The following PCNT variants were observed in gnomAD, a reference collection of about 807,000 sequenced individuals.
PCNT encodes the protein kendrin.
A neutral mutation model predicts 380.4 loss-of-function variants in PCNT; 319 were observed. That is an observed-to-expected ratio of 0.84 (90% CI 0.77 to 0.92). PCNT has a LOEUF of 0.92. PCNT is among the 40% of genes least tolerant of loss of function. The probability of loss-of-function intolerance (pLI) is 0.00; values close to 1 mark genes in which losing one functional copy is unlikely to be tolerated. For synonymous variants in PCNT, 1,845 were observed against 1,735.2 expected (o/e 1.06, Z -1.57); for missense variants, 4,400 against 4,255.3 (o/e 1.03, Z -0.95).
At chr21:46,417,785 CCCTGCTCTTCAGGA>C (rs899414258) in intron 30 of PCNT, among the ~76,000 whole-genome samples, 5 of 152,112 alleles carry the variant, frequency 3.3e-5, no homozygotes, top group African/African-American at 1.2e-4. Context: ...CGCCCATGGT[CCCTGCTCTTCAGGA>C]GGCTGAGGCA....
Position 46,388,094 on chromosome 21 carries a change from C to T in PCNT, c.3465-648C>T, listed in dbSNP as rs961834221. On this transcript the variant is annotated intron_variant, in intron 17 of 46. Coordinates refer to ENST00000359568, the MANE Select transcript of PCNT (RefSeq NM_006031.6). The surrounding 1 kb of genome is among the most constrained non-coding windows in gnomAD (Gnocchi z 4.2). ...GCGTGGTGACAGACGCCTGTAGTCCCAGCTACTCGGGAGGCTGAGGCAGGA... is the reference window on the plus strand; with the variant it reads ...GCGTGGTGACAGACGCCTGTAGTCCTAGCTACTCGGGAGGCTGAGGCAGGA... Among the ~76,000 whole-genome samples the T allele has an allele frequency of 2.6e-5, 4 of 152,042 alleles. No homozygotes were observed. The highest frequency in any genetic ancestry group is 5.9e-5 in the Non-Finnish European group (4 of 68,002).
chr21:46,404,366 C>T (rs1047645906), intron 27 of PCNT, among the ~76,000 whole-genome samples: 1 of 144,754 alleles, frequency 6.9e-6, no homozygotes, highest in African/African-American at 2.5e-5. Flanking sequence ...GTTCTGTCGG[C>T]TCTGTTTTGA....
chr21:46,372,946 C>T (rs2085202082), intron 15 of PCNT, among the ~76,000 whole-genome samples: 1 of 152,232 alleles, frequency 6.6e-6, no homozygotes. Flanking sequence ...GTGCATAGCA[C>T]AAGGAGGTGT....
At chr21:46,327,435 G>A (rs1354048805) in intron 2 of PCNT, among the ~76,000 whole-genome samples, 1 of 148,550 alleles carries the variant, frequency 6.7e-6, no homozygotes, top group Non-Finnish European at 1.5e-5. Flanking sequence ...GTGTTTTGCT[G>A]TGTTGCCCAG....
At chr21:46,401,442 C>A in intron 25 of PCNT, 109 bp from the exon 26 acceptor site, 1 of 925,258 alleles carries the variant, frequency 1.1e-6, no homozygotes, top group Admixed American at 1.8e-5. Flanking sequence ...GCAGGTCCAC[C>A]TGCTCTGCTT....
At chr21:46,391,481 G>C in intron 21 of PCNT, 105 bp downstream of exon 21, 1 of 916,040 alleles carries the variant, frequency 1.1e-6, no homozygotes, top group Non-Finnish European at 1.7e-6. Context: ...AGAGGGTCAA[G>C]TGTAAACCAG....
At chr21:46,333,040 G>A (rs545121595) in intron 2 of PCNT, among the ~76,000 whole-genome samples, 2 of 152,308 alleles carry the variant, frequency 1.3e-5, no homozygotes, top group African/African-American at 4.8e-5. Context: ...TTGAGCCCAG[G>A]AGGTTAAGGT....
At position 46,435,970 on chromosome 21, in the gene PCNT, G is replaced by A; in HGVS notation, c.8818G>A (p.Asp2940Asn). The change falls in exon 39 of 47, where the codon GAC becomes AAC. Residue 2940 changes from aspartate to asparagine, a missense_variant. Physicochemically the swap from Asp to Asn is conservative, Grantham distance 23. Transcript: ENST00000359568. The stretch of plus-strand genomic sequence containing the variant: ...CAAGCAGCTTCAGCAGACAGTGAGA[G>A]ACCTGGAGTCGAAGGACGAGGTGCC... ...KIKQLQQTVRDLESKDEVPGS... is the reference protein window; with the variant it reads ...KIKQLQQTVRNLESKDEVPGS... 1 of 1,614,186 alleles carries A rather than the reference G, an allele frequency of 6.2e-7. No individual in the cohort carries two copies. The highest frequency in any genetic ancestry group is 8.5e-7 in the Non-Finnish European group (1 of 1,180,018).
rs369482975 is a variant in PCNT at position 46,389,218 on chromosome 21, A to G, written c.3627A>G (p.Thr1209=). 17 of 1,613,844 alleles carry G rather than the reference A, an allele frequency of 1.1e-5. No homozygotes were observed. In the Admixed American group the frequency reaches 1.8e-4, roughly 17 times the overall value. ...ALSTAPALEE[T]WSDVALPELD... is the part of the protein sequence containing the mutation. ...TTGTAGCTCCGGCGCTGGAGGAGAC[A>G]TGGTCTGATGTGGCCCTCCCGGAGT... The change falls in exon 19 of 47, where the codon ACA becomes ACG. Residue 1209 remains threonine, a synonymous_variant. Coordinates refer to ENST00000359568, the MANE Select transcript of PCNT (RefSeq NM_006031.6).
At position 46,438,314 on chromosome 21, in the gene PCNT, C is replaced by G. The variant is rs760545245; in HGVS notation, c.9250C>G (p.Leu3084Val). ...SKLEKLLKHH[L>V]QKGCSPSRSE... is the part of the protein sequence containing the mutation. ...GCTTGAGAAGTTGCTGAAGCACCAT[C>G]TGCAGAAGGGCTGCAGCCCAAGCGT... The change falls in exon 41 of 47, where the codon CTG (leucine) becomes GTG (valine). Residue 3084 changes from leucine to valine, a missense_variant. Transcript: ENST00000359568. 6.8e-6 allele frequency: 11 copies of G among 1,614,034 alleles called. No individual in the cohort carries two copies. Among genetic ancestry groups the G allele is most frequent in the Admixed American group, 6.7e-5 (4 of 60,004 alleles).
At chr21:46,417,193 T>A (rs1315852685) in intron 30 of PCNT, among the ~76,000 whole-genome samples, 2 of 137,788 alleles carry the variant, frequency 1.5e-5, no homozygotes, top group Admixed American at 1.4e-4. Flanking sequence ...CCTTTTTTTT[T>A]TTTTTTTTTT....
intron 19 of PCNT, 77 bp from the exon 20 acceptor site, chr21:46,390,593 G>C (rs1400112582): frequency 2.7e-6 from 4 of 1,503,358 alleles, no homozygotes; most frequent in Non-Finnish European, 3.7e-6. Context: ...GGGGGTAGAA[G>C]TGGCGTTCTC....
At chr21:46,331,017 AGTGTGTGTGTTT>A (rs1472776443) in intron 2 of PCNT, among the ~76,000 whole-genome samples, 1 of 151,646 alleles carries the variant, frequency 6.6e-6, no homozygotes. Context: ...TAAGAAGATA[AGTGTGTGTGTTT>A]GTGTGTGTGT....
chr21:46,432,135 G>A lies in PCNT; in HGVS notation c.8671G>A (p.Ala2891Thr), dbSNP rs33956783. Residue 2891 changes from alanine (A) to threonine (T), a missense_variant, in exon 38 of 47, where the codon GCG (alanine) becomes ACG (threonine). Coordinates refer to ENST00000359568, the MANE Select transcript of PCNT (RefSeq NM_006031.6). Reference sequence around the variant, plus strand: ...GAAAGAGCAAGAAGGACGCAAGGCTGCGAGGAGGAGCGCGGAGGCCAGGCA... The same window carrying A: ...GAAAGAGCAAGAAGGACGCAAGGCTACGAGGAGGAGCGCGGAGGCCAGGCA... ...RLKEQEGRKA[A>T]RRSAEARQSP... The A allele has an allele frequency of 0.011, 17,327 of 1,614,008 alleles. 130 individuals carry two copies. The highest frequency in any genetic ancestry group is 0.013 in the Non-Finnish European group (15,401 of 1,180,028).
chr21:46,369,693 G>T (rs890978776), intron 15 of PCNT, among the ~76,000 whole-genome samples: 5 of 152,254 alleles, frequency 3.3e-5, no homozygotes, highest in African/African-American at 1.2e-4. Flanking sequence ...TTAGTCAGAG[G>T]AAGCATGTGG....
intron 6 of PCNT, chr21:46,348,301 T>C: frequency 6.0e-6 from 1 of 165,376 alleles, no homozygotes; most frequent in Non-Finnish European, 1.3e-5. Flanking sequence ...GGGTGGTCCT[T>C]GTGCAGAGGC....
chr21:46,326,959 G>A (rs1343614616), intron 2 of PCNT, among the ~76,000 whole-genome samples: 1 of 151,192 alleles, frequency 6.6e-6, no homozygotes, highest in African/African-American at 2.4e-5. Context: ...GTTGCATTGA[G>A]CCGAGATCAC....
intron 6 of PCNT, 86 bp from the exon 7 acceptor site, chr21:46,348,925 CT>C: frequency 1.1e-6 from 1 of 925,358 alleles, no homozygotes; most frequent in Non-Finnish European, 1.8e-6. Flanking sequence ...GTTGCCTGGC[CT>C]GCTCAGAGGT....
In PCNT at chr21:46,398,200, T is replaced by G. The variant is rs781130390; in HGVS notation, c.4564-35T>G. 5 of 1,607,696 alleles carry G rather than the reference T, an allele frequency of 3.1e-6. No homozygotes were observed. In the African/African-American group the frequency reaches 6.7e-5, roughly 21 times the overall value. On this transcript the variant is annotated intron_variant, in intron 23 of 46. Transcript: ENST00000359568. ...TGTGTTTTTAAGCTTTAACTTTCTT[T>G]AAATTTTTGCCTTCCATGTACATGA...
Sources: allele counts gnomAD v4.1 joint callset (sites outside exome capture counted in the v4.1 genomes callset), GRCh38; gene constraint gnomAD v4.1.1; non-coding constraint Gnocchi (gnomAD v3.1); transcripts MANE v1.5; gene names NCBI Gene and HGNC (gene_info 2026-07-23, HGNC 2026-07-21).